SCFD2: variants seen among roughly 807,000 people sequenced by gnomAD.
SCFD2 encodes the protein sec1 family domain-containing protein 2.
Under a neutral mutation model 58.9 loss-of-function variants are expected in SCFD2, and 54 were observed. The ratio of observed to expected loss-of-function variants is 0.92; its 90% CI spans 0.74 to 1.15. SCFD2 has a LOEUF of 1.15. Among genes scored for constraint, SCFD2 ranks in the 50% most tolerant of loss-of-function variants. The pLI is 0.00. For synonymous variants in SCFD2, 321 were observed against 335.9 expected, an observed-to-expected ratio of 0.96 and a Z score of 0.49; for missense variants, 805 against 836.6, an observed-to-expected ratio of 0.96 and a Z score of 0.47.
intron 4 of SCFD2, among the ~76,000 whole-genome samples, chr4:53,201,249 C>T (rs1048642644): frequency 6.6e-6 from 1 of 151,590 alleles, no homozygotes; most frequent in African/African-American, 2.4e-5. Context: ...TGTTCAATTC[C>T]CACCTATGAG....
chr4:53,179,848 A>G (rs981290908), intron 4 of SCFD2, among the ~76,000 whole-genome samples: 1 of 152,182 alleles, frequency 6.6e-6, no homozygotes, highest in Non-Finnish European at 1.5e-5. Context: ...AGGGGTTGCA[A>G]TCCTAGTCTC....
At chr4:53,297,463 G>GT (rs534174943) in intron 3 of SCFD2, among the ~76,000 whole-genome samples, 334 of 146,064 alleles carry the variant, frequency 2.3e-3, no homozygotes, top group Middle Eastern at 0.01. Flanking sequence ...GCAACCCTTG[G>GT]TTTTTTTTTT....
intron 5 of SCFD2, among the ~76,000 whole-genome samples, chr4:52,941,256 T>G (rs1720285978): frequency 1.3e-5 from 2 of 152,210 alleles, no homozygotes; most frequent in African/African-American, 2.4e-5. Context: ...CATACATACC[T>G]GTTTCATGGC....
intron 3 of SCFD2, among the ~76,000 whole-genome samples, chr4:53,312,137 A>G (rs1364232672): frequency 1.3e-5 from 2 of 152,158 alleles, no homozygotes; most frequent in African/African-American, 4.8e-5. Context: ...ATCTCAGTGC[A>G]GCAAATTTGA....
intron 7 of SCFD2, among the ~76,000 whole-genome samples, chr4:52,902,464 G>A (rs964140408): frequency 6.6e-6 from 1 of 152,146 alleles, no homozygotes; most frequent in South Asian, 2.1e-4. Flanking sequence ...CTTCTTTGGG[G>A]GGCAGTGTAT....
At chr4:53,234,423 A>C (rs553204632) in intron 4 of SCFD2, among the ~76,000 whole-genome samples, 3 of 152,294 alleles carry the variant, frequency 2.0e-5, no homozygotes, top group Admixed American at 6.5e-5. Context: ...TCTCTCTATA[A>C]ATAATACAGT....
chr4:53,027,745 T>C (rs753118086), intron 5 of SCFD2, among the ~76,000 whole-genome samples: 3 of 152,058 alleles, frequency 2.0e-5, no homozygotes, highest in Non-Finnish European at 4.4e-5. Flanking sequence ...GGAGGATCGC[T>C]TGAGCCCAGG....
intron 4 of SCFD2, among the ~76,000 whole-genome samples, chr4:53,252,861 T>C (rs1172277797): frequency 6.6e-6 from 1 of 152,056 alleles, no homozygotes; most frequent in African/African-American, 2.4e-5. Context: ...CCAAAAGCAA[T>C]GGCAACAAAA....
rs537865663 is a variant in SCFD2, at chr4:53,269,903, G to A, written c.1311+3923C>T. 2.6e-5 allele frequency among the ~76,000 whole-genome samples: 4 copies of A among 152,286 alleles called. No individual in the cohort carries two copies. In the South Asian group the frequency reaches 6.2e-4, roughly 24 times the overall value. Reference sequence around the variant, plus strand: ...TAGCTGGGCGTGGTGGTGCACACCCGTAATTCCAGCTATTCGGGAGGCTGA... The same window carrying A: ...TAGCTGGGCGTGGTGGTGCACACCCATAATTCCAGCTATTCGGGAGGCTGA... On this transcript the variant is annotated intron_variant, in intron 4 of 8. Coordinates refer to ENST00000401642, the MANE Select transcript of SCFD2 (RefSeq NM_152540.4).
intron 5 of SCFD2, among the ~76,000 whole-genome samples, chr4:53,026,930 A>G (rs1722488448): frequency 6.6e-6 from 1 of 152,240 alleles, no homozygotes; most frequent in Admixed American, 6.5e-5. Context: ...GTGAAAGTGT[A>G]TAACTTCTCT....
chr4:52,925,595 T>G (rs1381954751), intron 5 of SCFD2, among the ~76,000 whole-genome samples: 1 of 152,126 alleles, frequency 6.6e-6, no homozygotes, highest in African/African-American at 2.4e-5. Context: ...CTCTGTAAGG[T>G]GCTGTATTCA....
intron 2 of SCFD2, among the ~76,000 whole-genome samples, chr4:53,343,738 C>A (rs920356047): frequency 3.9e-5 from 6 of 152,166 alleles, no homozygotes; most frequent in Non-Finnish European, 8.8e-5. Flanking sequence ...AGCAGCACAT[C>A]AAAAAGCTTA....
chr4:53,150,335 A>G lies in SCFD2; in HGVS notation c.1312-4753T>C, dbSNP rs184089678. ...TGACCCAGGAAGCAGTAAAGTCTCC[A>G]TCAGTGGCAAAGAGAGGCAGGGTGG... On this transcript the variant is annotated intron_variant, in intron 4 of 8. Coordinates refer to ENST00000401642, the MANE Select transcript of SCFD2 (RefSeq NM_152540.4). Among the ~76,000 whole-genome samples, 243 of 152,320 alleles carry G rather than the reference A, an allele frequency of 1.6e-3. 1 individual carries two copies. The highest frequency in any genetic ancestry group is 2.5e-3 in the Non-Finnish European group (169 of 68,032).
chr4:53,052,584 C>T (rs1353007305), intron 5 of SCFD2, among the ~76,000 whole-genome samples: 2 of 152,168 alleles, frequency 1.3e-5, no homozygotes, highest in Non-Finnish European at 2.9e-5. Context: ...AATTTTCCAG[C>T]TACTGACAGA....
intron 5 of SCFD2, among the ~76,000 whole-genome samples, chr4:53,032,088 C>T (rs1380151000): frequency 6.6e-6 from 1 of 152,204 alleles, no homozygotes; most frequent in Non-Finnish European, 1.5e-5. Context: ...AACAGTGGAT[C>T]TCTTGGCAGA....
At chr4:53,269,542 T>C (rs1731096581) in intron 4 of SCFD2, among the ~76,000 whole-genome samples, 1 of 152,188 alleles carries the variant, frequency 6.6e-6, no homozygotes, top group South Asian at 2.1e-4. Flanking sequence ...CTATTACTTA[T>C]ATTATTATAA....
At chr4:53,113,909 G>A (rs28742914) in intron 5 of SCFD2, among the ~76,000 whole-genome samples, 837 of 73,408 alleles carry the variant, frequency 0.011, no homozygotes, top group South Asian at 0.028. Flanking sequence ...TCTTCTCACT[G>A]TTGTGAGAAG....
At chr4:53,049,681 G>T (rs1334187042) in intron 5 of SCFD2, among the ~76,000 whole-genome samples, 1 of 152,120 alleles carries the variant, frequency 6.6e-6, no homozygotes, top group Admixed American at 6.6e-5. Flanking sequence ...TGGAAGGCAT[G>T]CATCAGCTGG....
At chr4:53,071,938 A>C (rs1336603830) in intron 5 of SCFD2, among the ~76,000 whole-genome samples, 2 of 152,124 alleles carry the variant, frequency 1.3e-5, no homozygotes, top group Non-Finnish European at 2.9e-5. Context: ...TAATTATTTA[A>C]AATACAGAAG....
Sources: allele counts gnomAD v4.1 joint callset (sites outside exome capture counted in the v4.1 genomes callset), GRCh38; gene constraint gnomAD v4.1.1; transcripts MANE v1.5; gene names NCBI Gene and HGNC (gene_info 2026-07-23, HGNC 2026-07-21).